Variants in SEMA3A observed in about 807,000 individuals in gnomAD.
SEMA3A encodes the protein semaphorin 3A, also known as semaphorin-3A.
A neutral mutation model predicts 97.9 loss-of-function variants in SEMA3A; 29 were observed. The ratio of observed to expected loss-of-function variants is 0.30; its 90% CI spans 0.22 to 0.40. SEMA3A has a LOEUF of 0.40. Ranked by LOEUF, SEMA3A falls within the 10% of genes least tolerant of loss-of-function variation. SEMA3A has a pLI of 1.00. For missense variants in SEMA3A, 763 were observed against 951.3 expected (o/e 0.80, Z 2.60); for synonymous variants, 321 against 323.7 (o/e 0.99, Z 0.09).
At chr7:84,318,354 G>A (rs1801563818) in intron 2 of SEMA3A, among the ~76,000 whole-genome samples, 1 of 115,288 alleles carries the variant, frequency 8.7e-6, no homozygotes, top group Admixed American at 1.2e-4. Flanking sequence ...ACGGAGTCTC[G>A]CTCTGTCGCC....
intron 1 of SEMA3A, among the ~76,000 whole-genome samples, chr7:84,415,860 A>G (rs1167100420): frequency 6.6e-6 from 1 of 152,030 alleles, no homozygotes; most frequent in African/African-American, 2.4e-5. Flanking sequence ...GCAATTTTCA[A>G]ATATCATAAT....
intron 3 of SEMA3A, among the ~76,000 whole-genome samples, chr7:84,239,781 T>C (rs1396512568): frequency 6.6e-6 from 1 of 152,128 alleles, no homozygotes. Context: ...TTAATGAAAC[T>C]GATTTTGTGA....
At chr7:84,347,345 T>C (rs1562913017) in intron 2 of SEMA3A, among the ~76,000 whole-genome samples, 2 of 149,780 alleles carry the variant, frequency 1.3e-5, no homozygotes, top group Non-Finnish European at 3.0e-5. Context: ...GATATATTCA[T>C]AAAATGAGGC....
intron 4 of SEMA3A, 115 bp downstream of exon 4, chr7:84,110,355 G>T: frequency 9.0e-7 from 1 of 1,108,120 alleles, no homozygotes; most frequent in Non-Finnish European, 1.3e-6. Flanking sequence ...TGAGTTTGAA[G>T]TAGGTCCCAC....
intron 4 of SEMA3A, among the ~76,000 whole-genome samples, chr7:84,061,279 CT>C: frequency 1.3e-5 from 2 of 152,250 alleles, no homozygotes; most frequent in Admixed American, 1.3e-4. Context: ...CAGGAATGAA[CT>C]TTTGACTACC....
rs1388832171 is a variant in SEMA3A at position 84,049,356 on chromosome 7, G to A, written c.548-2913C>T. Among the ~76,000 whole-genome samples the A allele has an allele frequency of 7.9e-5, 12 of 152,042 alleles. 1 individual carries two copies. Among genetic ancestry groups the A allele is most frequent in the Non-Finnish European group, 1.8e-4 (12 of 68,008 alleles). On this transcript the variant is annotated intron_variant, in intron 5 of 16. Transcript: ENST00000265362. The stretch of plus-strand genomic sequence containing the variant: ...ACTGGGCCTTAGATCAGATTTCCTG[G>A]TGAGGGTTCTATGGGGAGTCTTATC...
At chr7:84,048,975 C>T (rs1461510720) in intron 5 of SEMA3A, among the ~76,000 whole-genome samples, 1 of 151,938 alleles carries the variant, frequency 6.6e-6, no homozygotes, top group Non-Finnish European at 1.5e-5. Flanking sequence ...TTTTATCCAA[C>T]CTCATATTAG....
chr7:84,252,495 G>A (rs1010184713), intron 3 of SEMA3A, among the ~76,000 whole-genome samples: 2 of 152,182 alleles, frequency 1.3e-5, no homozygotes, highest in Non-Finnish European at 2.9e-5. Context: ...ATTGTTGAAA[G>A]TGAAGTCTCC....
At position 84,362,376 on chromosome 7, in the gene SEMA3A, C is replaced by T. The variant is rs573987469; in HGVS notation, c.-169+9448G>A. Among the ~76,000 whole-genome samples the T allele has an allele frequency of 7.9e-5, 12 of 151,962 alleles. No individual in the cohort carries two copies. In the South Asian group the frequency reaches 1.0e-3, roughly 13 times the overall value. On this transcript the variant is annotated intron_variant, in intron 2 of 3. Coordinates refer to the SEMA3A transcript ENST00000424555. ...TTTCAACCATACAATAAATGTTCAA[C>T]GATTGTTAATTTTATTATCATTATT...
At chr7:84,237,932 T>A (rs1562866039) in intron 3 of SEMA3A, among the ~76,000 whole-genome samples, 2 of 152,000 alleles carry the variant, frequency 1.3e-5, no homozygotes, top group Admixed American at 1.3e-4. Flanking sequence ...AACTTAACCA[T>A]AAAAAGAAGA....
chr7:84,136,153 T>C (rs1796118172), intron 1 of SEMA3A, among the ~76,000 whole-genome samples: 1 of 152,130 alleles, frequency 6.6e-6, no homozygotes, highest in African/African-American at 2.4e-5. Context: ...ATTTTTCGGG[T>C]GCACACTTAG....
chr7:84,170,313 A>G (rs934255606), intron 1 of SEMA3A, among the ~76,000 whole-genome samples: 1 of 152,042 alleles, frequency 6.6e-6, no homozygotes, highest in Admixed American at 6.5e-5. Flanking sequence ...TGTAATACAC[A>G]AAATTAAAAT....
intron 4 of SEMA3A, among the ~76,000 whole-genome samples, chr7:84,082,657 G>T (rs1794202486): frequency 6.6e-6 from 1 of 151,840 alleles, no homozygotes; most frequent in Non-Finnish European, 1.5e-5. Flanking sequence ...CCTTTTAAAG[G>T]GTTGATTAAG....
intron 3 of SEMA3A, among the ~76,000 whole-genome samples, chr7:84,260,534 G>T (rs368913187): frequency 6.6e-6 from 1 of 152,174 alleles, no homozygotes; most frequent in African/African-American, 2.4e-5. Context: ...GCTCGAAAGT[G>T]CCTGTTCCCA....
chr7:84,262,339 C>T (rs781398161), intron 3 of SEMA3A, among the ~76,000 whole-genome samples: 38 of 152,134 alleles, frequency 2.5e-4, no homozygotes, highest in Admixed American at 3.9e-4. Context: ...ATCAGCCTCT[C>T]AAGTAGCTGG....
chr7:84,240,585 C>T (rs1034381340), intron 3 of SEMA3A, among the ~76,000 whole-genome samples: 2 of 152,102 alleles, frequency 1.3e-5, no homozygotes, highest in Non-Finnish European at 2.9e-5. Context: ...CTTAGAGCCT[C>T]GCAAAGAAGC....
At chr7:83,982,117 C>T (rs1284097149) in intron 13 of SEMA3A, among the ~76,000 whole-genome samples, 4 of 152,130 alleles carry the variant, frequency 2.6e-5, no homozygotes, top group African/African-American at 9.7e-5. Flanking sequence ...TCTGCCAAAC[C>T]AAAAGCTGAA....
At chr7:84,369,309 G>T (rs1339691418) in intron 2 of SEMA3A, among the ~76,000 whole-genome samples, 2 of 150,826 alleles carry the variant, frequency 1.3e-5, no homozygotes, top group Non-Finnish European at 3.0e-5. Context: ...CCAAGCAGAA[G>T]AATCATTTTT....
intron 2 of SEMA3A, among the ~76,000 whole-genome samples, chr7:84,335,340 A>G (rs534706982): frequency 3.1e-4 from 47 of 152,242 alleles, no homozygotes; most frequent in African/African-American, 1.1e-3. Flanking sequence ...GATATTTTGT[A>G]TTTATATTTT....
Sources: gnomAD v4.1 joint callset for allele counts (sites outside exome capture counted in the v4.1 genomes callset) on GRCh38, gnomAD v4.1.1 for gene constraint, MANE v1.5 for transcripts, NCBI Gene and HGNC (gene_info 2026-07-23, HGNC 2026-07-21) for gene names.